The following FAM219A variants were observed in gnomAD, a reference collection of about 807,000 sequenced individuals.
FAM219A encodes protein FAM219A.
Under a neutral mutation model 23.4 loss-of-function variants are expected in FAM219A, and 7 were observed. The ratio of observed to expected loss-of-function variants is 0.30; its 90% CI spans 0.17 to 0.56. FAM219A has a LOEUF of 0.56. Among genes scored for constraint, FAM219A ranks in the 20% least tolerant of loss-of-function variants. FAM219A has a pLI of 0.92. For synonymous variants in FAM219A, 93 were observed against 99.0 expected (o/e 0.94, Z 0.36); for missense variants, 166 against 246.9 (o/e 0.67, Z 2.20).
chr9:34,431,044 C>T (rs369151108), intron 1 of FAM219A, among the ~76,000 whole-genome samples: 1 of 152,300 alleles, frequency 6.6e-6, no homozygotes, highest in Admixed American at 6.5e-5. Context: ...CATCTCTGCC[C>T]ATTGTTGATA....
chr9:34,401,610 G>A (rs905346829), intron 5 of FAM219A, 56 bp downstream of exon 5: 9 of 1,572,772 alleles, frequency 5.7e-6, no homozygotes, highest in Middle Eastern at 4.3e-4. Context: ...GCCCTCCCCC[G>A]GGATGGCAGT....
intron 1 of FAM219A, among the ~76,000 whole-genome samples, chr9:34,429,675 C>A (rs1461721742): frequency 6.6e-6 from 1 of 152,138 alleles, no homozygotes; most frequent in East Asian, 1.9e-4. Context: ...AGGTTGCAAG[C>A]TCCAGACTCG....
rs1822071082 is a variant in FAM219A at position 34,417,227 on chromosome 9, A to G, written c.61-11263T>C. 6.6e-6 allele frequency among the ~76,000 whole-genome samples: 1 copy of G among 151,966 alleles called. No individual in the cohort carries two copies. Among genetic ancestry groups the G allele is most frequent in the Non-Finnish European group, 1.5e-5 (1 of 67,978 alleles). On this transcript the variant is annotated intron_variant, in intron 1 of 5. Coordinates refer to ENST00000651358, the MANE Select transcript of FAM219A (RefSeq NM_001184940.2). This position sits in a 1 kb window ranked among gnomAD's most constrained non-coding sequence, Gnocchi z 4.1. ...ATATCTGGCTAATTTTTGTATTTTTAGTAGAGACAGGATTTTGCCATGTTG... is the reference window on the plus strand; with the variant it reads ...ATATCTGGCTAATTTTTGTATTTTTGGTAGAGACAGGATTTTGCCATGTTG...
At chr9:34,454,265 G>C (rs534681165) in intron 1 of FAM219A, among the ~76,000 whole-genome samples, 3 of 152,296 alleles carry the variant, frequency 2.0e-5, no homozygotes, top group East Asian at 3.9e-4. Context: ...GTGAAAGCCT[G>C]TCTCTACTAA....
intron 1 of FAM219A, among the ~76,000 whole-genome samples, chr9:34,451,149 T>C (rs1412316545): frequency 6.6e-6 from 1 of 152,192 alleles, no homozygotes; most frequent in Non-Finnish European, 1.5e-5. Flanking sequence ...GGCCAGATGC[T>C]ACAGGCCTCT....
At chr9:34,406,230 C>G (rs1821632698) in intron 1 of FAM219A, 2 of 942,368 alleles carry the variant, frequency 2.1e-6, no homozygotes, top group African/African-American at 3.5e-5. Flanking sequence ...CCAGCCTCCT[C>G]CAGAAAGCCC....
intron 1 of FAM219A, among the ~76,000 whole-genome samples, chr9:34,450,647 G>T (rs1276080054): frequency 6.6e-6 from 1 of 152,130 alleles, no homozygotes; most frequent in Non-Finnish European, 1.5e-5. Context: ...TTGAACTCCC[G>T]ACCTGGTTAT....
chr9:34,404,851 C>A (rs1487476508), intron 2 of FAM219A, among the ~76,000 whole-genome samples: 1 of 151,998 alleles, frequency 6.6e-6, no homozygotes. Context: ...CGAGGGGCTC[C>A]CTGGATGTGG....
At chr9:34,409,626 C>T (rs1379137000) in intron 1 of FAM219A, among the ~76,000 whole-genome samples, 1 of 152,196 alleles carries the variant, frequency 6.6e-6, no homozygotes, top group Non-Finnish European at 1.5e-5. Flanking sequence ...GTTTCTGGGA[C>T]AGGATATATA....
chr9:34,418,962 C>G (rs1290301956), intron 1 of FAM219A, among the ~76,000 whole-genome samples: 1 of 152,008 alleles, frequency 6.6e-6, no homozygotes, highest in African/African-American at 2.4e-5. Flanking sequence ...GTTACCCCAA[C>G]TACTCAGGAG....
chr9:34,424,174 G>A (rs1039735895), intron 1 of FAM219A, among the ~76,000 whole-genome samples: 1 of 152,112 alleles, frequency 6.6e-6, no homozygotes, highest in African/African-American at 2.4e-5. Flanking sequence ...GAGTCCTAGA[G>A]GGGCTCTTGT....
intron 2 of FAM219A, among the ~76,000 whole-genome samples, chr9:34,403,022 G>T (rs1228308798): frequency 6.6e-6 from 1 of 152,152 alleles, no homozygotes; most frequent in Non-Finnish European, 1.5e-5. Flanking sequence ...AGAGGAGGCT[G>T]CCCCCTGTTT....
chr9:34,449,486 G>T (rs1823488063), intron 1 of FAM219A, among the ~76,000 whole-genome samples: 2 of 152,170 alleles, frequency 1.3e-5, no homozygotes, highest in Admixed American at 6.5e-5. Flanking sequence ...CCTAACCAAA[G>T]TTCACCAAGA....
intron 1 of FAM219A, among the ~76,000 whole-genome samples, chr9:34,450,751 G>A (rs962368292): frequency 6.6e-6 from 1 of 152,196 alleles, no homozygotes; most frequent in African/African-American, 2.4e-5. Context: ...TTCAGGTATT[G>A]TTCTCGATAG....
chr9:34,423,098 G>A (rs771746031), intron 1 of FAM219A, among the ~76,000 whole-genome samples: 1 of 152,182 alleles, frequency 6.6e-6, no homozygotes. Flanking sequence ...GAGCCTGGGA[G>A]GTTGAGGCTG....
At chr9:34,411,205 G>A (rs1032536410) in intron 1 of FAM219A, among the ~76,000 whole-genome samples, 3 of 152,118 alleles carry the variant, frequency 2.0e-5, no homozygotes, top group African/African-American at 7.2e-5. Flanking sequence ...ACTCCAGCAT[G>A]ATACAATTCT....
chr9:34,422,891 C>T lies in FAM219A; in HGVS notation c.61-16927G>A, dbSNP rs543849017. 9.2e-5 allele frequency among the ~76,000 whole-genome samples: 14 copies of T among 152,186 alleles called. No homozygotes were observed. In the South Asian group the frequency reaches 1.2e-3, roughly 14 times the overall value. On this transcript the variant is annotated intron_variant, in intron 1 of 5. Coordinates refer to ENST00000651358, the MANE Select transcript of FAM219A (RefSeq NM_001184940.2). ...ACATATAAAAATAATATGGGCTGGG[C>T]GCGGTGGCTCACACCTGTAATCCCA... is the stretch of plus-strand genomic sequence containing the variant.
chr9:34,458,193 C>A lies in FAM219A; in HGVS notation c.60+11G>T. On this transcript the variant is annotated intron_variant, in intron 1 of 5. Coordinates refer to ENST00000651358, the MANE Select transcript of FAM219A (RefSeq NM_001184940.2). This position sits in a 1 kb window ranked among gnomAD's most constrained non-coding sequence, Gnocchi z 6.6. ...CTCCGGCCTTGGCCTGCCCGCCGCC[C>A]GCCCCCTCACCAGCGGCTGCATCTC... is the stretch of plus-strand genomic sequence containing the variant. 6.3e-7 allele frequency: 1 copy of A among 1,584,566 alleles called. No homozygotes were observed. Among genetic ancestry groups the A allele is most frequent in the South Asian group, 1.1e-5 (1 of 87,748 alleles).
At position 34,400,399 on chromosome 9, in the gene FAM219A, G is replaced by C. The variant is rs986472733; in HGVS notation, c.*565C>G. 6.6e-6 allele frequency: 1 copy of C among 152,504 alleles called. No individual in the cohort carries two copies. Among genetic ancestry groups the C allele is most frequent in the African/African-American group, 2.4e-5 (1 of 41,470 alleles). 9.4% of individuals were successfully genotyped at this position (152,504 alleles called of 1,614,324 possible). On this transcript the variant is annotated 3_prime_UTR_variant, in exon 6 of 6. Coordinates refer to ENST00000651358, the MANE Select transcript of FAM219A (RefSeq NM_001184940.2). Reference sequence around the variant, plus strand: ...ATCCGATGGGTGAGGGGCACTACCCGGTTGGGCAGCTTTGCCAGGCTTCCC... The same window carrying C: ...ATCCGATGGGTGAGGGGCACTACCCCGTTGGGCAGCTTTGCCAGGCTTCCC...
Sources: allele counts gnomAD v4.1 joint callset (sites outside exome capture counted in the v4.1 genomes callset), GRCh38; gene constraint gnomAD v4.1.1; non-coding constraint Gnocchi (gnomAD v3.1); transcripts MANE v1.5; gene names NCBI Gene and HGNC (gene_info 2026-07-23, HGNC 2026-07-21).